Variants in WWOX observed in about 807,000 individuals in gnomAD.
The protein encoded by WWOX is WW domain containing oxidoreductase, also known as WW domain-containing oxidoreductase.
Under a neutral mutation model 46.2 loss-of-function variants are expected in WWOX, and 69 were observed. That is an observed-to-expected ratio of 1.49 (90% CI 1.23 to 1.82). The LOEUF (loss-of-function observed/expected upper bound fraction) is 1.82. Among genes scored for constraint, WWOX ranks in the 40% most tolerant of loss-of-function variants. WWOX has a pLI of 0.00. For synonymous variants in WWOX, 359 were observed against 202.6 expected, an observed-to-expected ratio of 1.77 and a Z score of -6.56; for missense variants, 919 against 542.6, an observed-to-expected ratio of 1.69 and a Z score of -6.89.
At chr16:79,047,934 G>A (rs995156283) in intron 8 of WWOX, among the ~76,000 whole-genome samples, 5 of 151,972 alleles carry the variant, frequency 3.3e-5, no homozygotes, top group Admixed American at 6.6e-5. Context: ...CAATTACCTA[G>A]CACAAAATCT....
At chr16:78,286,005 T>C (rs61357459) in intron 5 of WWOX, among the ~76,000 whole-genome samples, 17,325 of 152,152 alleles carry the variant, frequency 0.11, 1,283 homozygotes, top group East Asian at 0.2. Flanking sequence ...GCCCACTCTT[T>C]TGCCACCTTT....
intron 6 of WWOX, among the ~76,000 whole-genome samples, chr16:78,392,711 C>T (rs550074277): frequency 6.6e-6 from 1 of 152,164 alleles, no homozygotes; most frequent in Non-Finnish European, 1.5e-5. Context: ...GAGACTCAAT[C>T]AACTTCGTGT....
intron 8 of WWOX, among the ~76,000 whole-genome samples, chr16:79,103,475 C>T (rs2049244136): frequency 1.3e-5 from 2 of 152,154 alleles, no homozygotes; most frequent in South Asian, 4.1e-4. Context: ...TGTGCCTCTT[C>T]CCCTGTTCCT....
At chr16:78,816,087 C>G (rs1469048982) in intron 8 of WWOX, among the ~76,000 whole-genome samples, 1 of 152,166 alleles carries the variant, frequency 6.6e-6, no homozygotes, top group African/African-American at 2.4e-5. Flanking sequence ...AGCATGGAAT[C>G]CCCTCTGCCT....
intron 6 of WWOX, among the ~76,000 whole-genome samples, chr16:78,407,254 C>A (rs1445607712): frequency 6.6e-6 from 1 of 152,252 alleles, no homozygotes; most frequent in Non-Finnish European, 1.5e-5. Flanking sequence ...TGGGCCCTTT[C>A]TATTGAATTT....
At chr16:78,280,695 T>C (rs2079661654) in intron 5 of WWOX, 2 of 152,234 alleles carry the variant, frequency 1.3e-5, no homozygotes, top group South Asian at 2.1e-4. Flanking sequence ...TTAACCCTTT[T>C]CCTGTTTAGG....
intron 4 of WWOX, among the ~76,000 whole-genome samples, chr16:78,140,866 C>G (rs1042016235): frequency 6.6e-6 from 1 of 152,160 alleles, no homozygotes; most frequent in Non-Finnish European, 1.5e-5. Flanking sequence ...AGAGATGTTG[C>G]TTTTTATCAT....
At chr16:79,060,276 C>A (rs1013456956) in intron 8 of WWOX, among the ~76,000 whole-genome samples, 1 of 152,206 alleles carries the variant, frequency 6.6e-6, no homozygotes, top group South Asian at 2.1e-4. Flanking sequence ...TGCAAAAATA[C>A]TACAATGCTG....
intron 5 of WWOX, among the ~76,000 whole-genome samples, chr16:78,360,827 CTTT>C (rs59558603): frequency 6.7e-6 from 1 of 150,140 alleles, no homozygotes; most frequent in African/African-American, 2.4e-5. Context: ...GCCTTTAGTG[CTTT>C]TTTTTTTTGA....
At chr16:78,694,564 T>G (rs1474094348) in intron 8 of WWOX, among the ~76,000 whole-genome samples, 1 of 152,198 alleles carries the variant, frequency 6.6e-6, no homozygotes, top group Non-Finnish European at 1.5e-5. Context: ...CTGCATGGTG[T>G]GTATATTGAA....
intron 8 of WWOX, among the ~76,000 whole-genome samples, chr16:78,464,838 GAAGA>G (rs1218951934): frequency 6.6e-6 from 1 of 152,162 alleles, no homozygotes; most frequent in African/African-American, 2.4e-5. Flanking sequence ...ATCAGAGAAA[GAAGA>G]AATAAAACAT....
chr16:79,020,099 T>C (rs1156910589), intron 8 of WWOX, among the ~76,000 whole-genome samples: 1 of 152,162 alleles, frequency 6.6e-6, no homozygotes, highest in African/African-American at 2.4e-5. Flanking sequence ...CACTGGACAA[T>C]TGATGAACAA....
chr16:78,334,808 GCACA>G lies in WWOX; in HGVS notation c.517-52031_517-52028del, dbSNP rs752956790. Among the ~76,000 whole-genome samples the G allele has an allele frequency of 2.8e-3, 219 of 78,744 alleles. 1 individual carries two copies. The highest frequency in any genetic ancestry group is 9.3e-3 in the South Asian group (29 of 3,134). The allele number at this position is 78,744 out of a possible 152,430, so 51.7% of individuals were successfully genotyped here. ...GTCTCCCCTCCACACACACACACAC[GCACA>G]CACACACACACACACACACATACAC... On this transcript the variant is annotated intron_variant, in intron 5 of 8. Transcript: ENST00000566780.
intron 8 of WWOX, among the ~76,000 whole-genome samples, chr16:78,792,131 C>G (rs950738575): frequency 6.6e-6 from 1 of 152,130 alleles, no homozygotes; most frequent in Non-Finnish European, 1.5e-5. Context: ...TGCTGCATCA[C>G]AAACCACCAT....
At chr16:78,399,841 A>G (rs934408796) in intron 6 of WWOX, among the ~76,000 whole-genome samples, 1 of 152,200 alleles carries the variant, frequency 6.6e-6, no homozygotes, top group Non-Finnish European at 1.5e-5. Flanking sequence ...CTGAAATCAC[A>G]TTTTAATAAC....
chr16:78,132,296 G>A (rs917681928), intron 4 of WWOX, among the ~76,000 whole-genome samples: 6 of 152,020 alleles, frequency 3.9e-5, no homozygotes, highest in African/African-American at 1.2e-4. Flanking sequence ...AAAGTGCTGG[G>A]ATTACAGGCG....
chr16:78,796,756 C>T (rs371700706), intron 8 of WWOX, among the ~76,000 whole-genome samples: 2 of 152,154 alleles, frequency 1.3e-5, no homozygotes, highest in African/African-American at 4.8e-5. Context: ...AACGGCCATC[C>T]AGCCACTCAT....
At chr16:78,886,569 C>T (rs1017829907) in intron 8 of WWOX, among the ~76,000 whole-genome samples, 2 of 150,888 alleles carry the variant, frequency 1.3e-5, no homozygotes, top group Non-Finnish European at 1.5e-5. Flanking sequence ...TGTTTTAAGA[C>T]ACTTGGTACA....
intron 6 of WWOX, among the ~76,000 whole-genome samples, chr16:78,421,955 T>G (rs2082943450): frequency 5.3e-5 from 8 of 152,196 alleles, no homozygotes; most frequent in Admixed American, 5.2e-4. Flanking sequence ...GGTGCAGGAA[T>G]ATATATTCCC....
Sources: allele counts gnomAD v4.1 joint callset (sites outside exome capture counted in the v4.1 genomes callset), GRCh38; gene constraint gnomAD v4.1.1; transcripts MANE v1.5; gene names NCBI Gene and HGNC (gene_info 2026-07-23, HGNC 2026-07-21).